NT5DC3: variants seen among roughly 807,000 people sequenced by gnomAD.
The protein encoded by NT5DC3 is 5'-nucleotidase domain-containing protein 3.
NT5DC3 carries 42 observed loss-of-function variants against 67.8 expected under a neutral mutation model. The observed-to-expected ratio is 0.62, with a 90% confidence interval of 0.48 to 0.80. The LOEUF (loss-of-function observed/expected upper bound fraction) is 0.80, where lower values mean the gene tolerates loss of function less well. Among genes scored for constraint, NT5DC3 ranks in the 30% least tolerant of loss-of-function variants. The probability of loss-of-function intolerance (pLI) is 0.00; values close to 1 mark genes in which losing one functional copy is unlikely to be tolerated. For missense variants in NT5DC3, 570 were observed against 696.4 expected, an observed-to-expected ratio of 0.82 and a Z score of 2.04; for synonymous variants, 237 against 255.6, an observed-to-expected ratio of 0.93 and a Z score of 0.69.
chr12:103,839,136 G>C (rs1888273579), intron 1 of NT5DC3, among the ~76,000 whole-genome samples: 1 of 152,214 alleles, frequency 6.6e-6, no homozygotes, highest in African/African-American at 2.4e-5. Context: ...ATGACACTCT[G>C]ATCTGTGGCC....
the NT5DC3 span, chr12:103,761,244 T>C: frequency 3.9e-6 from 6 of 1,544,102 alleles, no homozygotes; most frequent in Non-Finnish European, 5.4e-6. Flanking sequence ...CTTCCCTCCA[T>C]GGAGGGCTGC....
Position 103,778,039 on chromosome 12 carries a change from C to T in NT5DC3, c.1437G>A (p.Leu479=). Residue 479 remains leucine, a synonymous_variant, in exon 14 of 14, where the codon CTG becomes CTA. Coordinates refer to ENST00000392876, the MANE Select transcript of NT5DC3 (RefSeq NM_001031701.3). ...KSFFNAQFGS[L]FRTDQNPTYF... is the part of the protein sequence containing the mutation. ...AGGTTGGGTTCTGGTCTGTGCGGAACAGGCTTCCAAACTGGGCATTGAAGA... is the reference window on the plus strand; with the variant it reads ...AGGTTGGGTTCTGGTCTGTGCGGAATAGGCTTCCAAACTGGGCATTGAAGA... 1 of 1,614,164 alleles carries T rather than the reference C, an allele frequency of 6.2e-7. No individual in the cohort carries two copies. The highest frequency in any genetic ancestry group is 1.1e-5 in the South Asian group (1 of 91,072).
At chr12:103,764,266 A>T in the NT5DC3 span, among the ~76,000 whole-genome samples, 1 of 152,188 alleles carries the variant, frequency 6.6e-6, no homozygotes, top group Non-Finnish European at 1.5e-5. Flanking sequence ...GATGTCCTTT[A>T]AACTTACTTA....
chr12:103,786,935 G>A (rs1369181717), intron 11 of NT5DC3, among the ~76,000 whole-genome samples: 5 of 151,974 alleles, frequency 3.3e-5, no homozygotes, highest in African/African-American at 7.3e-5. Context: ...CACCCACCTC[G>A]GCCTCCCAAA....
At chr12:103,800,004 G>A (rs889825543) in intron 4 of NT5DC3, among the ~76,000 whole-genome samples, 1 of 152,110 alleles carries the variant, frequency 6.6e-6, no homozygotes, top group Non-Finnish European at 1.5e-5. Flanking sequence ...CGAAACAACA[G>A]ACTGAATAGT....
intron 9 of NT5DC3, among the ~76,000 whole-genome samples, chr12:103,792,423 A>C (rs1466556029): frequency 2.0e-5 from 3 of 152,214 alleles, no homozygotes; most frequent in African/African-American, 7.2e-5. Context: ...GCTGCAGAAT[A>C]AACATGGGGG....
intron 1 of NT5DC3, among the ~76,000 whole-genome samples, chr12:103,840,408 C>CTCA (rs1888349032): frequency 7.0e-6 from 1 of 143,284 alleles, no homozygotes; most frequent in Non-Finnish European, 1.5e-5. Context: ...CTCATCTCAT[C>CTCA]TCATCTCATC....
At chr12:103,762,548 C>T in the NT5DC3 span, 38 of 1,216,108 alleles carry the variant, frequency 3.1e-5, no homozygotes, top group African/African-American at 3.6e-4. Context: ...ACCCACCCCA[C>T]GCTTACTGCT....
chr12:103,755,833 C>T, the NT5DC3 span: 12 of 925,460 alleles, frequency 1.3e-5, no homozygotes, highest in Admixed American at 2.3e-4. Flanking sequence ...AGCATGGGTG[C>T]TGGACCACCT....
chr12:103,793,622 G>A (rs1593396506), intron 7 of NT5DC3, 110 bp from the exon 8 acceptor site: 1 of 740,430 alleles, frequency 1.4e-6, no homozygotes, highest in Non-Finnish European at 2.3e-6. Context: ...ACAGGAAAGG[G>A]AATAAAGGCC....
the NT5DC3 span, among the ~76,000 whole-genome samples, chr12:103,764,431 T>C: frequency 6.6e-6 from 1 of 152,188 alleles, no homozygotes; most frequent in Admixed American, 6.5e-5. Context: ...CTAGAGTCAG[T>C]GATGCTTTAG....
intron 7 of NT5DC3, 118 bp from the exon 8 acceptor site, chr12:103,793,630 G>A (rs1387952176): frequency 7.0e-6 from 5 of 709,552 alleles, no homozygotes; most frequent in Non-Finnish European, 1.2e-5. Flanking sequence ...GGGAATAAAG[G>A]CCCTAAGGAA....
rs1887187757 is a variant in NT5DC3, at chr12:103,814,994, C to T, written c.336G>A (p.Lys112=). 6.2e-7 allele frequency: 1 copy of T among 1,613,380 alleles called. No individual in the cohort carries two copies. Among genetic ancestry groups the T allele is most frequent in the Non-Finnish European group, 8.5e-7 (1 of 1,179,556 alleles). Residue 112 remains lysine, a synonymous_variant, in exon 2 of 14, where the codon AAG becomes AAA. Transcript: ENST00000392876. The part of the protein sequence containing the change: ...DYDYTLVFYS[K]HLHTLIFNAA... ...CATTAAATATCAGCGTGTGGAGGTG[C>T]TTTGAATAAAACACCAAGGTGTAAT... is the stretch of plus-strand genomic sequence containing the variant.
At chr12:103,755,841 C>A in the NT5DC3 span, 83 of 865,946 alleles carry the variant, frequency 9.6e-5, 1 homozygote, top group South Asian at 3.4e-4. Context: ...TGCTGGACCA[C>A]CTTGCCTGAA....
At chr12:103,789,612 A>G (rs1273861993) in intron 9 of NT5DC3, among the ~76,000 whole-genome samples, 2 of 152,162 alleles carry the variant, frequency 1.3e-5, no homozygotes, top group Non-Finnish European at 1.5e-5. Context: ...TTATGAAGAA[A>G]AGTTTATGGA....
chr12:103,798,178 C>A (rs1263517433), intron 5 of NT5DC3, among the ~76,000 whole-genome samples: 2 of 152,012 alleles, frequency 1.3e-5, no homozygotes, highest in African/African-American at 4.8e-5. Context: ...GGAAAGAGAA[C>A]CACAAAAGAT....
At chr12:103,829,368 T>A (rs1390658904) in intron 1 of NT5DC3, among the ~76,000 whole-genome samples, 1 of 152,258 alleles carries the variant, frequency 6.6e-6, no homozygotes, top group Non-Finnish European at 1.5e-5. Context: ...AACTGGCCCA[T>A]GAACTGTGGT....
the NT5DC3 span, chr12:103,755,459 G>A: frequency 6.6e-5 from 107 of 1,613,876 alleles, no homozygotes; most frequent in African/African-American, 6.5e-4. Flanking sequence ...TTCTGCTATC[G>A]GATGAAAGGT....
At chr12:103,830,596 CAG>C (rs1282228517) in intron 1 of NT5DC3, among the ~76,000 whole-genome samples, 1 of 152,220 alleles carries the variant, frequency 6.6e-6, no homozygotes, top group African/African-American at 2.4e-5. Context: ...GTAATGTTCT[CAG>C]AGTTATCCCC....
Sources: allele counts gnomAD v4.1 joint callset (sites outside exome capture counted in the v4.1 genomes callset), GRCh38; gene constraint gnomAD v4.1.1; transcripts MANE v1.5; gene names NCBI Gene and HGNC (gene_info 2026-07-23, HGNC 2026-07-21).